Variants in PRMT8 observed in about 807,000 individuals in gnomAD.
PRMT8 encodes protein arginine N-methyltransferase 8.
A neutral mutation model predicts 47.1 loss-of-function variants in PRMT8; 7 were observed. That is an observed-to-expected ratio of 0.15 (90% CI 0.08 to 0.28). The LOEUF (loss-of-function observed/expected upper bound fraction) is 0.28. Ranked by LOEUF, PRMT8 falls within the 10% of genes least tolerant of loss-of-function variation. The pLI, the probability that PRMT8 is intolerant of heterozygous loss-of-function variation, is 1.00. For synonymous variants in PRMT8, 188 were observed against 186.5 expected (o/e 1.01, Z -0.07); for missense variants, 237 against 505.4 (o/e 0.47, Z 5.09).
intron 8 of PRMT8, among the ~76,000 whole-genome samples, 197 bp from the exon 9 acceptor site, chr12:3,592,034 C>T (rs1212771298): frequency 6.6e-6 from 1 of 152,040 alleles, no homozygotes; most frequent in African/African-American, 2.4e-5. Flanking sequence ...GCCACTGGGA[C>T]TGAGAGGGAG....
intron 1 of PRMT8, among the ~76,000 whole-genome samples, chr12:3,465,325 AAAAAT>A (rs1865087552): frequency 6.7e-6 from 1 of 148,270 alleles, no homozygotes; most frequent in East Asian, 1.9e-4. Context: ...TACATTAAAT[AAAAAT>A]AAAATAAACC....
At chr12:3,578,580 C>T (rs1229786254) in intron 7 of PRMT8, among the ~76,000 whole-genome samples, 1 of 152,110 alleles carries the variant, frequency 6.6e-6, no homozygotes, top group Non-Finnish European at 1.5e-5. Flanking sequence ...GCTAACATGC[C>T]GGCCTACTGT....
intron 8 of PRMT8, among the ~76,000 whole-genome samples, chr12:3,588,509 C>A (rs115329054): frequency 6.6e-6 from 1 of 152,312 alleles, no homozygotes; most frequent in Non-Finnish European, 1.5e-5. Flanking sequence ...CCCTACTTCT[C>A]ACTATTTGCC....
intron 5 of PRMT8, 151 bp downstream of exon 5, chr12:3,568,999 T>TTCCCTGATACAG: frequency 9.1e-7 from 1 of 1,093,790 alleles, no homozygotes; most frequent in Non-Finnish European, 1.3e-6. Flanking sequence ...AGCAGATCTG[T>TTCCCTGATACAG]ATCAGGGAAC....
At chr12:3,465,891 T>C (rs1865092680) in intron 1 of PRMT8, among the ~76,000 whole-genome samples, 1 of 152,198 alleles carries the variant, frequency 6.6e-6, no homozygotes, top group Admixed American at 6.5e-5. Context: ...TTCATCTCTG[T>C]AGCCGGGATA....
chr12:3,491,972 T>G lies in PRMT8; in HGVS notation c.75+272T>G, dbSNP rs555157142. Among the ~76,000 whole-genome samples the G allele has an allele frequency of 4.0e-5, 6 of 151,254 alleles. No homozygotes were observed. The South Asian group carries it at 1.3e-3, about 32-fold the overall frequency. On this transcript the variant is annotated intron_variant, in intron 1 of 9. Coordinates refer to ENST00000382622, the MANE Select transcript of PRMT8 (RefSeq NM_019854.5). ...AACAGTCACTCTCACCCCATCACCCTCTCCTGCCACCCGCTGCTCCCTTCT... is the reference window on the plus strand; with the variant it reads ...AACAGTCACTCTCACCCCATCACCCGCTCCTGCCACCCGCTGCTCCCTTCT...
intron 1 of PRMT8, among the ~76,000 whole-genome samples, chr12:3,519,950 A>G (rs559642099): frequency 1.3e-5 from 2 of 152,350 alleles, no homozygotes; most frequent in South Asian, 4.1e-4. Flanking sequence ...GCTGGTGATC[A>G]GTTCAAAAAT....
At chr12:3,435,738 T>C (rs961605413) in intron 1 of PRMT8, among the ~76,000 whole-genome samples, 1 of 151,984 alleles carries the variant, frequency 6.6e-6, no homozygotes, top group Non-Finnish European at 1.5e-5. Context: ...GCCAGGATGG[T>C]CTCGATCTCC....
Position 3,580,231 on chromosome 12 carries a change from T to C in PRMT8, c.829-2827T>C, listed in dbSNP as rs1310230649. ...AAGATGCAAATGTCTCAGGGATCTA[T>C]TGAAAGCTGTCAGCTACAAGAGTTG... On this transcript the variant is annotated intron_variant, in intron 7 of 9. Coordinates refer to ENST00000382622, the MANE Select transcript of PRMT8 (RefSeq NM_019854.5). The surrounding 1 kb of genome is among the most constrained non-coding windows in gnomAD (Gnocchi z 4.6). Among the ~76,000 whole-genome samples, 2 of 152,176 alleles carry C rather than the reference T, an allele frequency of 1.3e-5. No homozygotes were observed. The highest frequency in any genetic ancestry group is 2.9e-5 in the Non-Finnish European group (2 of 68,032).
At chr12:3,568,618 A>G in intron 4 of PRMT8, 88 bp from the exon 5 acceptor site, 1 of 1,491,032 alleles carries the variant, frequency 6.7e-7, no homozygotes, top group African/African-American at 1.4e-5. Context: ...ATAGGGCTGA[A>G]ACCTGGAGAT....
chr12:3,401,495 G>A (rs1864316301), intron 1 of PRMT8, among the ~76,000 whole-genome samples: 1 of 152,030 alleles, frequency 6.6e-6, no homozygotes, highest in Non-Finnish European at 1.5e-5. Flanking sequence ...GAAATAAAGA[G>A]TATTCAAATA....
intron 1 of PRMT8, among the ~76,000 whole-genome samples, chr12:3,512,445 A>G (rs1865726981): frequency 6.6e-6 from 1 of 151,820 alleles, no homozygotes; most frequent in Admixed American, 6.6e-5. Context: ...TGAGTTCCTC[A>G]CCTTTCCTTC....
chr12:3,554,252 C>T (rs1866484875), intron 4 of PRMT8, among the ~76,000 whole-genome samples: 2 of 152,212 alleles, frequency 1.3e-5, no homozygotes, highest in Admixed American at 1.3e-4. Flanking sequence ...TCCCTTCCTC[C>T]CCTCTCACCT....
At chr12:3,411,014 A>G (rs913146822) in intron 1 of PRMT8, among the ~76,000 whole-genome samples, 1 of 152,198 alleles carries the variant, frequency 6.6e-6, no homozygotes, top group Non-Finnish European at 1.5e-5. Context: ...AGCTAGTCCA[A>G]GGGTAGGCCA....
chr12:3,420,825 G>A (rs548142887), intron 1 of PRMT8, among the ~76,000 whole-genome samples: 1 of 152,336 alleles, frequency 6.6e-6, no homozygotes, highest in Non-Finnish European at 1.5e-5. Context: ...ATCGAGTCTT[G>A]ACTCAAATAC....
At chr12:3,430,930 T>C (rs1864669243) in intron 1 of PRMT8, among the ~76,000 whole-genome samples, 1 of 152,132 alleles carries the variant, frequency 6.6e-6, no homozygotes, top group African/African-American at 2.4e-5. Flanking sequence ...GGGGGACCTC[T>C]TGGAGCACTT....
At chr12:3,592,469 C>A in intron 9 of PRMT8, 117 bp downstream of exon 9, 1 of 1,178,730 alleles carries the variant, frequency 8.5e-7, no homozygotes, top group Non-Finnish European at 1.2e-6. Flanking sequence ...CTTACTGAGG[C>A]AGGCAGTCGG....
At chr12:3,471,373 A>G (rs1277972433) in intron 1 of PRMT8, among the ~76,000 whole-genome samples, 3 of 152,082 alleles carry the variant, frequency 2.0e-5, no homozygotes, top group Non-Finnish European at 2.9e-5. Context: ...AGACCCTTCC[A>G]GGTTACTGTC....
At chr12:3,464,570 C>T (rs574586320) in intron 1 of PRMT8, among the ~76,000 whole-genome samples, 1 of 152,022 alleles carries the variant, frequency 6.6e-6, no homozygotes, top group Admixed American at 6.6e-5. Flanking sequence ...TATTACTTAT[C>T]CTGTGCCAAG....
Sources: allele counts gnomAD v4.1 joint callset (sites outside exome capture counted in the v4.1 genomes callset), GRCh38; gene constraint gnomAD v4.1.1; non-coding constraint Gnocchi (gnomAD v3.1); transcripts MANE v1.5; gene names NCBI Gene and HGNC (gene_info 2026-07-23, HGNC 2026-07-21).